Variants in DLG2 observed in about 807,000 individuals in gnomAD.
DLG2 encodes the protein discs large MAGUK scaffold protein 2, also known as disks large homolog 2.
Under a neutral mutation model 132.5 loss-of-function variants are expected in DLG2, and 45 were observed. The observed-to-expected ratio is 0.34, with a 90% CI of 0.27 to 0.44. DLG2 has a LOEUF of 0.44. Ranked by LOEUF, DLG2 falls within the 20% of genes least tolerant of loss-of-function variation. The pLI is 1.00. For synonymous variants in DLG2, 424 were observed against 419.6 expected, an observed-to-expected ratio of 1.01 and a Z score of -0.13; for missense variants, 1,045 against 1,196.9, an observed-to-expected ratio of 0.87 and a Z score of 1.87.
At chr11:84,250,952 T>A (rs936262538) in intron 8 of DLG2, among the ~76,000 whole-genome samples, 5 of 152,240 alleles carry the variant, frequency 3.3e-5, no homozygotes, top group Admixed American at 6.5e-5. Flanking sequence ...TATGAGCAAT[T>A]CAGTCTCTTT....
At chr11:83,654,054 T>C (rs1164639837) in intron 18 of DLG2, among the ~76,000 whole-genome samples, 1 of 152,108 alleles carries the variant, frequency 6.6e-6, no homozygotes, top group East Asian at 1.9e-4. Context: ...AATATTAAAT[T>C]TTGAAGTGCT....
intron 3 of DLG2, among the ~76,000 whole-genome samples, chr11:85,489,765 T>C (rs182367976): frequency 8.7e-4 from 133 of 152,226 alleles, no homozygotes; most frequent in African/African-American, 3.1e-3. Flanking sequence ...CAAGAGAAAC[T>C]TCAGAAGCTA....
chr11:84,576,450 T>G (rs1199276173), intron 6 of DLG2, among the ~76,000 whole-genome samples: 1 of 152,212 alleles, frequency 6.6e-6, no homozygotes, highest in Non-Finnish European at 1.5e-5. Flanking sequence ...CAGAAAATGC[T>G]TCACTGAGGA....
At chr11:85,195,884 A>C (rs1173505244) in intron 4 of DLG2, among the ~76,000 whole-genome samples, 1 of 152,224 alleles carries the variant, frequency 6.6e-6, no homozygotes, top group Non-Finnish European at 1.5e-5. Context: ...AATATTTTTA[A>C]AATAGAAACA....
intron 7 of DLG2, among the ~76,000 whole-genome samples, chr11:84,372,776 T>C (rs1428917594): frequency 5.3e-5 from 8 of 152,178 alleles, no homozygotes; most frequent in Admixed American, 5.2e-4. Context: ...CAGCTTCCAT[T>C]AGCTTAACTA....
intron 3 of DLG2, among the ~76,000 whole-genome samples, chr11:85,466,332 A>G (rs1345286051): frequency 6.6e-6 from 1 of 152,126 alleles, no homozygotes; most frequent in East Asian, 1.9e-4. Flanking sequence ...CTGTTTGTCA[A>G]TTTTGGCTTT....
At chr11:85,104,138 G>C (rs914400030) in intron 6 of DLG2, among the ~76,000 whole-genome samples, 7 of 151,774 alleles carry the variant, frequency 4.6e-5, no homozygotes, top group Non-Finnish European at 1.0e-4. Flanking sequence ...AAATGTTATG[G>C]GAAACAGTTT....
In DLG2 at chr11:83,930,244, G is replaced by T; in HGVS notation, c.1496+84C>A. 4 of 1,475,958 alleles carry T rather than the reference G, an allele frequency of 2.7e-6. No individual in the cohort carries two copies. The South Asian group carries it at 4.9e-5, about 18-fold the overall frequency. The allele number at this position is 1,475,958 out of a possible 1,614,324, so 91.4% of individuals were successfully genotyped here. On this transcript the variant is annotated intron_variant, in intron 15 of 27. Transcript: ENST00000376104. ...GGGGAAGATGTTTAGTGCAAGAGAA[G>T]TGAGCAGAGGCGGATTCTACCCATT...
intron 10 of DLG2, among the ~76,000 whole-genome samples, chr11:84,066,356 T>C (rs1193400284): frequency 1.3e-5 from 2 of 152,340 alleles, no homozygotes; most frequent in African/African-American, 4.8e-5. Flanking sequence ...ATAGTTGTTT[T>C]GATATACAAA....
At chr11:85,430,324 C>T (rs1008749245) in intron 3 of DLG2, among the ~76,000 whole-genome samples, 4 of 150,524 alleles carry the variant, frequency 2.7e-5, no homozygotes, top group African/African-American at 7.4e-5. Flanking sequence ...GCGCGTTGTG[C>T]ACATGTACCC....
intron 6 of DLG2, among the ~76,000 whole-genome samples, chr11:84,774,619 G>A (rs1419274973): frequency 8.6e-5 from 13 of 152,006 alleles, no homozygotes; most frequent in African/African-American, 4.8e-5. Context: ...CAATGGGGCC[G>A]AGAACGCAGA....
chr11:83,935,075 C>T (rs2081163780), intron 14 of DLG2, among the ~76,000 whole-genome samples: 2 of 152,138 alleles, frequency 1.3e-5, no homozygotes, highest in South Asian at 4.1e-4. Context: ...CTATGGTTTT[C>T]TTGGGTTGCC....
At chr11:84,799,930 T>A (rs2075158916) in intron 6 of DLG2, among the ~76,000 whole-genome samples, 1 of 152,194 alleles carries the variant, frequency 6.6e-6, no homozygotes, top group Non-Finnish European at 1.5e-5. Context: ...AATAATACTT[T>A]CCATTTGCAT....
intron 7 of DLG2, chr11:84,316,906 G>T (rs780584887): frequency 6.2e-7 from 1 of 1,612,612 alleles, no homozygotes. Flanking sequence ...TCTTGTGGGG[G>T]CTTTTCCGCA....
chr11:84,698,601 T>G (rs570820166), intron 6 of DLG2, among the ~76,000 whole-genome samples: 3 of 151,618 alleles, frequency 2.0e-5, no homozygotes, highest in Admixed American at 6.6e-5. Context: ...GTGCATATAC[T>G]TCGTTCTAAG....
At chr11:84,822,836 G>A (rs2077861083) in intron 6 of DLG2, among the ~76,000 whole-genome samples, 1 of 151,898 alleles carries the variant, frequency 6.6e-6, no homozygotes, top group African/African-American at 2.4e-5. Context: ...TTGATCCTCT[G>A]TCTAAATTCT....
intron 7 of DLG2, among the ~76,000 whole-genome samples, chr11:84,498,602 A>C: frequency 6.6e-6 from 1 of 152,208 alleles, no homozygotes; most frequent in East Asian, 1.9e-4. Context: ...TGTAAATAGA[A>C]GTTTTGGCTG....
intron 8 of DLG2, among the ~76,000 whole-genome samples, chr11:84,195,463 C>T (rs2096498287): frequency 6.6e-6 from 1 of 152,218 alleles, no homozygotes; most frequent in Non-Finnish European, 1.5e-5. Flanking sequence ...CGTGCCCAGC[C>T]TTGCCTCTAC....
intron 11 of DLG2, among the ~76,000 whole-genome samples, chr11:84,031,213 C>T (rs1566117773): frequency 1.4e-5 from 2 of 143,332 alleles, no homozygotes; most frequent in Non-Finnish European, 3.0e-5. Context: ...TCTCTCATCT[C>T]TCCTCTATTC....
Sources: gnomAD v4.1 joint callset for allele counts (sites outside exome capture counted in the v4.1 genomes callset) on GRCh38, gnomAD v4.1.1 for gene constraint, MANE v1.5 for transcripts, NCBI Gene and HGNC (gene_info 2026-07-23, HGNC 2026-07-21) for gene names.